Variants in NALF1 observed in about 807,000 individuals in gnomAD.
NALF1 encodes the protein NALCN channel auxiliary factor 1.
A neutral mutation model predicts 48.4 loss-of-function variants in NALF1; 3 were observed. The observed-to-expected ratio is 0.06, with a 90% CI of 0.03 to 0.16. The LOEUF (loss-of-function observed/expected upper bound fraction) is 0.16. Among genes scored for constraint, NALF1 ranks in the 10% least tolerant of loss-of-function variants. The pLI, the probability that NALF1 is intolerant of heterozygous loss-of-function variation, is 1.00. For synonymous variants in NALF1, 262 were observed against 245.7 expected (o/e 1.07, Z -0.62); for missense variants, 526 against 571.5 (o/e 0.92, Z 0.81).
intron 1 of NALF1, among the ~76,000 whole-genome samples, chr13:107,537,820 C>T (rs754566876): frequency 3.9e-5 from 6 of 152,038 alleles, no homozygotes; most frequent in Non-Finnish European, 8.8e-5. Context: ...GAGTTCAAGA[C>T]CAGCCTGGCC....
intron 1 of NALF1, among the ~76,000 whole-genome samples, chr13:107,444,834 C>A (rs1884620988): frequency 6.6e-6 from 1 of 152,068 alleles, no homozygotes; most frequent in African/African-American, 2.4e-5. Flanking sequence ...GTGTAATTAT[C>A]CTGCAGCTAC....
intron 1 of NALF1, among the ~76,000 whole-genome samples, chr13:107,694,710 G>T (rs1881658320): frequency 6.6e-6 from 1 of 151,808 alleles, no homozygotes; most frequent in South Asian, 2.1e-4. Context: ...TATTAATACT[G>T]CATATATCAA....
At chr13:107,843,380 T>TC (rs1880091549) in intron 1 of NALF1, among the ~76,000 whole-genome samples, 1 of 152,146 alleles carries the variant, frequency 6.6e-6, no homozygotes, top group South Asian at 2.1e-4. Context: ...TAGTTCACGC[T>TC]CCACTTAGAG....
intron 1 of NALF1, among the ~76,000 whole-genome samples, chr13:107,640,554 T>A (rs1344836368): frequency 6.6e-6 from 1 of 152,184 alleles, no homozygotes; most frequent in Non-Finnish European, 1.5e-5. Context: ...TTGGGATTAA[T>A]AAATATGAAA....
intron 1 of NALF1, among the ~76,000 whole-genome samples, chr13:107,750,501 C>G (rs943079940): frequency 8.0e-5 from 12 of 150,340 alleles, no homozygotes; most frequent in Non-Finnish European, 1.3e-4. Flanking sequence ...CATATAAAAG[C>G]ATGCAGTTAG....
chr13:107,582,551 T>C (rs1403523234), intron 1 of NALF1, among the ~76,000 whole-genome samples: 1 of 152,096 alleles, frequency 6.6e-6, no homozygotes, highest in Non-Finnish European at 1.5e-5. Context: ...CCAGTTGAAT[T>C]TGGGGCAGGA....
At chr13:107,355,376 A>G (rs1447479521) in intron 1 of NALF1, among the ~76,000 whole-genome samples, 1 of 152,158 alleles carries the variant, frequency 6.6e-6, no homozygotes, top group Non-Finnish European at 1.5e-5. Flanking sequence ...TAGTTTGAGA[A>G]ATCTTGGTCT....
intron 1 of NALF1, among the ~76,000 whole-genome samples, chr13:107,660,432 C>CAA (rs1350795354): frequency 9.3e-6 from 1 of 107,604 alleles, no homozygotes; most frequent in South Asian, 3.9e-4. Context: ...GACTCTGTCT[C>CAA]AAAAACACAC....
chr13:107,313,522 C>G (rs2098966707), intron 1 of NALF1, among the ~76,000 whole-genome samples: 1 of 152,098 alleles, frequency 6.6e-6, no homozygotes, highest in South Asian at 2.1e-4. Flanking sequence ...GATCTTTACC[C>G]TAAAACAGTT....
At chr13:107,494,800 CAGAT>C (rs1459012888) in intron 1 of NALF1, among the ~76,000 whole-genome samples, 4 of 152,218 alleles carry the variant, frequency 2.6e-5, no homozygotes, top group Non-Finnish European at 5.9e-5. Flanking sequence ...TTTTTAATGA[CAGAT>C]AGAAGAACAC....
intron 1 of NALF1, among the ~76,000 whole-genome samples, chr13:107,540,857 A>C (rs989023309): frequency 6.6e-6 from 1 of 152,178 alleles, no homozygotes; most frequent in Non-Finnish European, 1.5e-5. Context: ...ACTTGAATAC[A>C]TAAACTTATT....
At chr13:107,226,645 C>A (rs1880113653) in intron 1 of NALF1, among the ~76,000 whole-genome samples, 1 of 152,146 alleles carries the variant, frequency 6.6e-6, no homozygotes, top group East Asian at 1.9e-4. Context: ...TATAAATGAT[C>A]ATAGTGAATT....
intron 1 of NALF1, among the ~76,000 whole-genome samples, chr13:107,756,379 A>G (rs1051657423): frequency 2.0e-5 from 3 of 151,262 alleles, no homozygotes; most frequent in South Asian, 2.1e-4. Context: ...GCAAGGATGT[A>G]GGGTAGAGAC....
intron 1 of NALF1, among the ~76,000 whole-genome samples, chr13:107,487,826 A>AT (rs1022091179): frequency 1.3e-5 from 2 of 151,132 alleles, no homozygotes; most frequent in Non-Finnish European, 2.9e-5. Context: ...CTTTTTTCCC[A>AT]TTTTTTGGAA....
intron 1 of NALF1, among the ~76,000 whole-genome samples, chr13:107,371,573 C>A (rs945694244): frequency 6.6e-6 from 1 of 152,104 alleles, no homozygotes; most frequent in Admixed American, 6.6e-5. Context: ...TCTCCTTAAA[C>A]CTTTTGTTAT....
At chr13:107,374,036 T>C (rs1462599562) in intron 1 of NALF1, among the ~76,000 whole-genome samples, 1 of 152,242 alleles carries the variant, frequency 6.6e-6, no homozygotes, top group African/African-American at 2.4e-5. Context: ...TGAAAATTAT[T>C]GATTTATTAA....
At position 107,269,344 on chromosome 13, in the gene NALF1, T is replaced by C. The variant is rs530099493; in HGVS notation, c.916-58589A>G. ...TCTTTAAGAAGCAAAAGACATGGAGTTGGTAATTGATTGGATAAATTTATA... is the reference window on the plus strand; with the variant it reads ...TCTTTAAGAAGCAAAAGACATGGAGCTGGTAATTGATTGGATAAATTTATA... On this transcript the variant is annotated intron_variant, in intron 1 of 2. Coordinates refer to ENST00000375915, the MANE Select transcript of NALF1 (RefSeq NM_001080396.3). Among the ~76,000 whole-genome samples, 4 of 151,654 alleles carry C rather than the reference T, an allele frequency of 2.6e-5. No homozygotes were observed. In the South Asian group the frequency reaches 8.4e-4, roughly 32 times the overall value.
chr13:107,756,133 C>G (rs1462063712), intron 1 of NALF1, among the ~76,000 whole-genome samples: 1 of 152,238 alleles, frequency 6.6e-6, no homozygotes. Flanking sequence ...GGAAGAGAAG[C>G]TAGAAGAGAG....
intron 1 of NALF1, among the ~76,000 whole-genome samples, chr13:107,689,094 A>AT (rs1373331734): frequency 5.3e-5 from 8 of 152,040 alleles, no homozygotes; most frequent in Non-Finnish European, 1.2e-4. Context: ...CTGGGGAGAT[A>AT]TTTTTTGTAT....
Sources: gnomAD v4.1 joint callset for allele counts (sites outside exome capture counted in the v4.1 genomes callset) on GRCh38, gnomAD v4.1.1 for gene constraint, MANE v1.5 for transcripts, NCBI Gene and HGNC (gene_info 2026-07-23, HGNC 2026-07-21) for gene names.